AP3B1: variants seen among roughly 807,000 people sequenced by gnomAD.
AP3B1 encodes the protein AP-3 complex subunit beta-1.
AP3B1 carries 61 observed loss-of-function variants against 132.5 expected under a neutral mutation model. The ratio of observed to expected loss-of-function variants is 0.46; its 90% CI spans 0.37 to 0.57. AP3B1 has a LOEUF of 0.57. AP3B1 is among the 20% of genes least tolerant of loss of function. The pLI is 0.00. For missense variants in AP3B1, 1,120 were observed against 1,289.4 expected, an observed-to-expected ratio of 0.87 and a Z score of 2.01; for synonymous variants, 388 against 438.3, an observed-to-expected ratio of 0.89 and a Z score of 1.43.
At chr5:78,164,205 AAAGT>A (rs1283599196) in intron 12 of AP3B1, among the ~76,000 whole-genome samples, 1 of 152,162 alleles carries the variant, frequency 6.6e-6, no homozygotes, top group African/African-American at 2.4e-5. Context: ...TTTTACCCAA[AAAGT>A]TACTAAAAGC....
chr5:78,071,941 C>A (rs252742), intron 22 of AP3B1, among the ~76,000 whole-genome samples: 21,178 of 152,196 alleles, frequency 0.14, 1,905 homozygotes, highest in Admixed American at 0.25. Flanking sequence ...ACAGCCTGAA[C>A]TGAATGTAAA....
chr5:78,224,447 A>T (rs1232531917), intron 6 of AP3B1, among the ~76,000 whole-genome samples: 2 of 152,102 alleles, frequency 1.3e-5, no homozygotes, highest in African/African-American at 4.8e-5. Flanking sequence ...AGAAATAAGG[A>T]ACAAAAAAGG....
At chr5:78,071,869 G>C (rs1315343568) in intron 22 of AP3B1, among the ~76,000 whole-genome samples, 1 of 152,088 alleles carries the variant, frequency 6.6e-6, no homozygotes. Flanking sequence ...ACTTTCTTTA[G>C]ATTTCTAGAA....
intron 7 of AP3B1, among the ~76,000 whole-genome samples, chr5:78,209,365 AG>A (rs1224887611): frequency 6.6e-6 from 1 of 152,194 alleles, no homozygotes; most frequent in Non-Finnish European, 1.5e-5. Flanking sequence ...TTTATCTGCA[AG>A]ATAAAACTTT....
At chr5:78,209,030 G>A (rs917081958) in intron 7 of AP3B1, among the ~76,000 whole-genome samples, 1 of 151,836 alleles carries the variant, frequency 6.6e-6, no homozygotes, top group South Asian at 2.1e-4. Flanking sequence ...AATACATAAT[G>A]CCTAAAATTG....
intron 22 of AP3B1, among the ~76,000 whole-genome samples, chr5:78,040,117 G>A (rs915998113): frequency 5.9e-5 from 9 of 151,938 alleles, no homozygotes; most frequent in Non-Finnish European, 1.2e-4. Context: ...CCAGGATAAG[G>A]TGGCTTCTTC....
chr5:78,192,413 G>C (rs140931381), intron 7 of AP3B1, among the ~76,000 whole-genome samples: 40 of 151,778 alleles, frequency 2.6e-4, no homozygotes, highest in Admixed American at 1.8e-3. Context: ...GAGCCAAGGC[G>C]AGTGGATCAC....
At chr5:78,058,224 G>A (rs939459654) in intron 22 of AP3B1, among the ~76,000 whole-genome samples, 3 of 152,082 alleles carry the variant, frequency 2.0e-5, no homozygotes, top group Non-Finnish European at 2.9e-5. Context: ...ATTATAGGCC[G>A]GACGCAGTGG....
At chr5:78,181,770 T>TA in intron 7 of AP3B1, 108 bp from the exon 8 acceptor site, 1 of 916,998 alleles carries the variant, frequency 1.1e-6, no homozygotes, top group Non-Finnish European at 1.7e-6. Flanking sequence ...CATTTTACCG[T>TA]AGAATACTTC....
At chr5:78,213,220 G>A (rs10067406) in intron 7 of AP3B1, among the ~76,000 whole-genome samples, 41,975 of 151,938 alleles carry the variant, frequency 0.28, 5,986 homozygotes, top group Middle Eastern at 0.34. Flanking sequence ...ATGTGTAGTC[G>A]CTAAAAAGTT....
intron 8 of AP3B1, among the ~76,000 whole-genome samples, chr5:78,179,831 T>G (rs1388967924): frequency 1.3e-5 from 2 of 152,164 alleles, no homozygotes; most frequent in East Asian, 3.8e-4. Context: ...TTTACTCATA[T>G]TTAGCAGCAT....
intron 25 of AP3B1, among the ~76,000 whole-genome samples, chr5:78,017,987 C>T (rs184294850): frequency 7.3e-5 from 11 of 151,352 alleles, no homozygotes; most frequent in Non-Finnish European, 5.9e-5. Context: ...ATTTAATTCA[C>T]AAGAAGAAAA....
intron 1 of AP3B1, among the ~76,000 whole-genome samples, chr5:78,288,091 C>T (rs1466785843): frequency 2.0e-5 from 3 of 152,192 alleles, no homozygotes; most frequent in African/African-American, 4.8e-5. Context: ...AACACTTCAA[C>T]GTCTCAAACT....
intron 15 of AP3B1, among the ~76,000 whole-genome samples, chr5:78,134,573 T>C (rs539061195): frequency 6.6e-6 from 1 of 152,304 alleles, no homozygotes; most frequent in East Asian, 1.9e-4. Context: ...GGAGTTTCGC[T>C]CTGGTTGCCC....
intron 22 of AP3B1, among the ~76,000 whole-genome samples, chr5:78,055,840 T>G (rs903978360): frequency 2.6e-5 from 4 of 152,180 alleles, no homozygotes; most frequent in African/African-American, 9.6e-5. Flanking sequence ...AGATTAGAAT[T>G]GTCTTTAAAA....
intron 17 of AP3B1, among the ~76,000 whole-genome samples, chr5:78,118,494 C>T (rs185950828): frequency 2.5e-3 from 388 of 152,320 alleles, no homozygotes; most frequent in Middle Eastern, 6.8e-3. Context: ...GCTTTTCCAA[C>T]GGGCTTCAAA....
At position 78,144,829 on chromosome 5, in the gene AP3B1, TTTG is replaced by T. The variant is rs5868903; in HGVS notation, c.1474-3513_1474-3511del. On this transcript the variant is annotated intron_variant, in intron 14 of 26. Coordinates refer to ENST00000255194, the MANE Select transcript of AP3B1 (RefSeq NM_003664.5). ...GCAATCCACAGGTAGTATGGGTTGT[TTTG>T]TTGTTGTTGTTGTTTTTTAAAGACA... Among the ~76,000 whole-genome samples, 116 of 140,748 alleles carry T rather than the reference TTTG, an allele frequency of 8.2e-4. 1 individual carries two copies. The East Asian group carries it at 0.017, about 21-fold the overall frequency. 92.3% of individuals were successfully genotyped at this position (140,748 alleles called of 152,430 possible). A position where few individuals can be genotyped will look rare whatever the true frequency, so the allele number is the denominator to read the frequency against.
chr5:78,092,198 G>GA (rs1750548730), intron 21 of AP3B1, among the ~76,000 whole-genome samples: 1 of 152,146 alleles, frequency 6.6e-6, no homozygotes, highest in Non-Finnish European at 1.5e-5. Flanking sequence ...AACTGAATAA[G>GA]AAACAGCCTC....
chr5:78,134,525 T>C (rs1404644525), intron 15 of AP3B1, among the ~76,000 whole-genome samples: 3 of 152,026 alleles, frequency 2.0e-5, no homozygotes, highest in Non-Finnish European at 4.4e-5. Flanking sequence ...CGTTGTTCCA[T>C]CTAATTAGTT....
Sources: allele counts gnomAD v4.1 joint callset (sites outside exome capture counted in the v4.1 genomes callset), GRCh38; gene constraint gnomAD v4.1.1; transcripts MANE v1.5; gene names NCBI Gene and HGNC (gene_info 2026-07-23, HGNC 2026-07-21).